The following ZGRF1 variants were observed in gnomAD, a reference collection of about 807,000 sequenced individuals.
The protein encoded by ZGRF1 is zinc finger GRF-type containing 1.
Under a neutral mutation model 203.5 loss-of-function variants are expected in ZGRF1, and 196 were observed. The observed-to-expected ratio is 0.96, with a 90% confidence interval of 0.86 to 1.08. The LOEUF is 1.08. Among genes scored for constraint, ZGRF1 ranks in the 50% least tolerant of loss-of-function variants. The pLI, the probability that ZGRF1 is intolerant of heterozygous loss-of-function variation, is 0.00. For missense variants in ZGRF1, 2,326 were observed against 2,416.3 expected, an observed-to-expected ratio of 0.96 and a Z score of 0.78; for synonymous variants, 809 against 841.3, an observed-to-expected ratio of 0.96 and a Z score of 0.66.
At chr4:112,622,944 AT>A (rs1188778854) in intron 4 of ZGRF1, among the ~76,000 whole-genome samples, 7 of 151,874 alleles carry the variant, frequency 4.6e-5, no homozygotes, top group Non-Finnish European at 7.4e-5. Context: ...AGTACCCATT[AT>A]TTTTCCTGAT....
rs2148911971 is a variant in ZGRF1, at chr4:112,565,321, G to A, written c.4439-2047C>T. The A allele has an allele frequency of 2.8e-6, 4 of 1,418,888 alleles. No homozygotes were observed. In the Middle Eastern group the frequency reaches 5.3e-4, roughly 189 times the overall value. The allele number at this position is 1,418,888 out of a possible 1,614,324, so 87.9% of individuals were successfully genotyped here. A position where few individuals can be genotyped will look rare whatever the true frequency, so the allele number is the denominator to read the frequency against. ...CCTTTTTGAAGACACCAACCTGTGT[G>A]CTATCCATGCCAAACGTGTAACAAT... On this transcript the variant is annotated intron_variant, in intron 16 of 27. Transcript: ENST00000505019.
intron 18 of ZGRF1, chr4:112,562,136 C>T (rs1742119261): frequency 3.4e-5 from 12 of 356,608 alleles, no homozygotes; most frequent in South Asian, 2.5e-4. Context: ...CTCGAACTCC[C>T]GACCTCTGGT....
At chr4:112,575,178 G>A (rs192159382) in intron 16 of ZGRF1, among the ~76,000 whole-genome samples, 51 of 152,128 alleles carry the variant, frequency 3.4e-4, no homozygotes, top group African/African-American at 1.1e-3. Context: ...GTTTATTTTC[G>A]ACATTAAATC....
At chr4:112,565,733 A>T (rs905781355) in intron 16 of ZGRF1, among the ~76,000 whole-genome samples, 1 of 152,218 alleles carries the variant, frequency 6.6e-6, no homozygotes, top group Non-Finnish European at 1.5e-5. Context: ...GCAGCCAAAA[A>T]ACACATGAAA....
At chr4:112,575,632 C>A (rs766509269) in intron 16 of ZGRF1, among the ~76,000 whole-genome samples, 6 of 152,252 alleles carry the variant, frequency 3.9e-5, no homozygotes, top group Non-Finnish European at 5.9e-5. Flanking sequence ...GATATTATAT[C>A]CCGTGCCTGG....
intron 6 of ZGRF1, among the ~76,000 whole-genome samples, chr4:112,615,484 A>G (rs553393247): frequency 5.8e-4 from 88 of 152,180 alleles, no homozygotes; most frequent in South Asian, 1.5e-3. Flanking sequence ...TCGGCCTCCC[A>G]AAGTGCTGGG....
chr4:112,632,690 G>C (rs1472164507), intron 2 of ZGRF1, among the ~76,000 whole-genome samples: 1 of 152,094 alleles, frequency 6.6e-6, no homozygotes, highest in Non-Finnish European at 1.5e-5. Flanking sequence ...ATCAATAGAC[G>C]TAAGACCCTA....
chr4:112,580,242 G>A (rs1335229333), intron 16 of ZGRF1, among the ~76,000 whole-genome samples: 5 of 127,404 alleles, frequency 3.9e-5, no homozygotes, highest in Non-Finnish European at 8.8e-5. Context: ...AGCTGAAACT[G>A]GATCCCTTCC....
intron 3 of ZGRF1, 119 bp from the exon 4 acceptor site, chr4:112,623,995 T>C: frequency 1.6e-6 from 1 of 621,622 alleles, no homozygotes; most frequent in Non-Finnish European, 2.9e-6. Flanking sequence ...GGATTACATT[T>C]GTTGAACTTG....
chr4:112,603,532 A>C lies in ZGRF1; in HGVS notation c.2968T>G (p.Phe990Val). 1 of 1,599,408 alleles carries C rather than the reference A, an allele frequency of 6.3e-7. No individual in the cohort carries two copies. Among genetic ancestry groups the C allele is most frequent in the East Asian group, 2.2e-5 (1 of 44,664 alleles). ...ELPSTCMQID[F>V]LQVTSPEENI... ...TATAAAAATATTTTTACCTGCAAGA[A>C]GTCAATCTGCATACACGTGCTAGGT... Residue 990 changes from phenylalanine (F) to valine (V), a missense_variant, in exon 10 of 28, where the codon TTC (phenylalanine) becomes GTC (valine). Phe to Val is a conservative substitution (Grantham distance 50). Coordinates refer to ENST00000505019, the MANE Select transcript of ZGRF1 (RefSeq NM_018392.5).
At chr4:112,634,190 T>C (rs780096154) in intron 1 of ZGRF1, among the ~76,000 whole-genome samples, 6 of 152,210 alleles carry the variant, frequency 3.9e-5, no homozygotes, top group Non-Finnish European at 7.3e-5. Flanking sequence ...CTATCCTCCA[T>C]CTGAAGGAAT....
intron 24 of ZGRF1, among the ~76,000 whole-genome samples, chr4:112,542,925 A>G (rs1354429287): frequency 6.6e-6 from 1 of 151,864 alleles, no homozygotes; most frequent in Non-Finnish European, 1.5e-5. Flanking sequence ...CTGGATTCAT[A>G]TGACCCTCCC....
chr4:112,578,714 A>G (rs1229213962), intron 16 of ZGRF1, among the ~76,000 whole-genome samples: 2 of 123,200 alleles, frequency 1.6e-5, no homozygotes, highest in African/African-American at 5.6e-5. Flanking sequence ...TCCCAAGACT[A>G]AACCAGGAAG....
chr4:112,634,425 G>A (rs372403749), intron 1 of ZGRF1, among the ~76,000 whole-genome samples: 114 of 152,238 alleles, frequency 7.5e-4, no homozygotes, highest in African/African-American at 2.4e-3. Context: ...CGAGACAGGT[G>A]GATCACCTGA....
chr4:112,551,945 T>A (rs2148854419), intron 22 of ZGRF1, among the ~76,000 whole-genome samples: 2 of 152,280 alleles, frequency 1.3e-5, no homozygotes, highest in Middle Eastern at 3.4e-3. Flanking sequence ...GAAGCATTTT[T>A]AAAAATTAGT....
intron 6 of ZGRF1, among the ~76,000 whole-genome samples, chr4:112,613,117 G>C (rs1231614075): frequency 1.3e-5 from 2 of 152,054 alleles, no homozygotes; most frequent in Non-Finnish European, 2.9e-5. Context: ...AACATGCTGA[G>C]ACCTTGTCTC....
At chr4:112,577,217 C>T (rs1223623153) in intron 16 of ZGRF1, among the ~76,000 whole-genome samples, 10 of 122,248 alleles carry the variant, frequency 8.2e-5, no homozygotes, top group African/African-American at 2.8e-4. Context: ...CCTTTACAGA[C>T]AAGCAAATGC....
intron 18 of ZGRF1, among the ~76,000 whole-genome samples, chr4:112,561,699 A>T (rs1742009995): frequency 6.6e-6 from 1 of 152,166 alleles, no homozygotes; most frequent in Non-Finnish European, 1.5e-5. Flanking sequence ...TATCGAGAAT[A>T]AAATCAGTAG....
Position 112,589,805 on chromosome 4 carries a change from C to A in ZGRF1, c.3046G>T (p.Glu1016Ter). 1.9e-6 allele frequency: 3 copies of A among 1,613,284 alleles called. No individual in the cohort carries two copies. The highest frequency in any genetic ancestry group is 2.5e-6 in the Non-Finnish European group (3 of 1,179,408). Reference protein sequence around the residue: ...VSTFSLNSRDEDFMVEFSETS... With the variant: ...VSTFSLNSRD The stretch of plus-strand genomic sequence containing the variant: ...TCAGAGAATTCTACCATGAAGTCTT[C>A]ATCTCTTGAGTTCAAAGAAAAGGTA... Residue 1016 changes from glutamate to a stop codon, truncating the protein, a stop_gained, in exon 11 of 28, where the codon GAA (glutamate) becomes TAA (stop). Coordinates refer to ENST00000505019, the MANE Select transcript of ZGRF1 (RefSeq NM_018392.5). LOFTEE classifies it high-confidence loss of function.
Sources: allele counts gnomAD v4.1 joint callset (sites outside exome capture counted in the v4.1 genomes callset), GRCh38; gene constraint gnomAD v4.1.1; transcripts MANE v1.5; gene names NCBI Gene and HGNC (gene_info 2026-07-23, HGNC 2026-07-21).